Variants in CAP2 observed in about 807,000 individuals in gnomAD.
CAP2 encodes adenylyl cyclase-associated protein 2.
CAP2 carries 24 observed loss-of-function variants against 57.7 expected under a neutral mutation model. The observed-to-expected ratio is 0.42, with a 90% CI of 0.30 to 0.58. The LOEUF is 0.58. CAP2 is among the 20% of genes least tolerant of loss of function. The pLI is 0.22. For synonymous variants in CAP2, 194 were observed against 207.2 expected, an observed-to-expected ratio of 0.94 and a Z score of 0.55; for missense variants, 501 against 590.3, an observed-to-expected ratio of 0.85 and a Z score of 1.57.
At chr6:17,434,416 A>T (rs1759820877) in intron 3 of CAP2, among the ~76,000 whole-genome samples, 1 of 151,778 alleles carries the variant, frequency 6.6e-6, no homozygotes, top group Admixed American at 6.6e-5. Context: ...TTTAGTAGAG[A>T]CGGGGTTTCA....
chr6:17,509,324 A>G lies in CAP2; in HGVS notation c.530+1598A>G, dbSNP rs1378855732. Among the ~76,000 whole-genome samples, 3 of 152,134 alleles carry G rather than the reference A, an allele frequency of 2.0e-5. No individual in the cohort carries two copies. The East Asian group carries it at 5.8e-4, about 29-fold the overall frequency. On this transcript the variant is annotated intron_variant, in intron 6 of 12. Coordinates refer to ENST00000229922, the MANE Select transcript of CAP2 (RefSeq NM_006366.3). ...CACACGAGATGTTAAGGATTACAAT[A>G]TAAAAAAATACCTATACATCCATCC...
At chr6:17,396,130 A>G (rs1271872746) in intron 1 of CAP2, among the ~76,000 whole-genome samples, 4 of 152,206 alleles carry the variant, frequency 2.6e-5, no homozygotes, top group Non-Finnish European at 5.9e-5. Context: ...TAGCATGGCT[A>G]TAATCAAAAA....
intron 1 of CAP2, among the ~76,000 whole-genome samples, chr6:17,396,051 A>G (rs763761469): frequency 6.6e-6 from 1 of 152,232 alleles, no homozygotes. Flanking sequence ...CCATGAAAAG[A>G]TACTCAACAT....
intron 4 of CAP2, among the ~76,000 whole-genome samples, chr6:17,502,930 G>A (rs1761864690): frequency 6.6e-6 from 1 of 152,210 alleles, no homozygotes; most frequent in African/African-American, 2.4e-5. Flanking sequence ...ATCAGGTGTT[G>A]TATTTGGACT....
chr6:17,489,261 A>G (rs1581562809), intron 4 of CAP2, among the ~76,000 whole-genome samples: 1 of 152,086 alleles, frequency 6.6e-6, no homozygotes, highest in African/African-American at 2.4e-5. Flanking sequence ...GTGAAACCCC[A>G]TCTCTACTAA....
intron 1 of CAP2, among the ~76,000 whole-genome samples, chr6:17,394,362 G>A (rs1023568815): frequency 6.6e-6 from 1 of 152,124 alleles, no homozygotes; most frequent in Non-Finnish European, 1.5e-5. Flanking sequence ...TGACTGCTTT[G>A]GGTAGAGGGG....
intron 3 of CAP2, among the ~76,000 whole-genome samples, chr6:17,457,860 ATT>A (rs1401692402): frequency 6.6e-6 from 1 of 152,250 alleles, no homozygotes; most frequent in Non-Finnish European, 1.5e-5. Flanking sequence ...CTACAAAAAT[ATT>A]GTTAATGCCA....
chr6:17,554,079 C>A (rs1016608755), intron 12 of CAP2, among the ~76,000 whole-genome samples: 1 of 152,172 alleles, frequency 6.6e-6, no homozygotes, highest in African/African-American at 2.4e-5. Context: ...CTCATTATAG[C>A]ATGGGCTTTG....
At chr6:17,518,159 G>A (rs921680077) in intron 7 of CAP2, among the ~76,000 whole-genome samples, 1 of 152,088 alleles carries the variant, frequency 6.6e-6, no homozygotes, top group African/African-American at 2.4e-5. Flanking sequence ...AAAATCTTTT[G>A]TCAAGCTTTA....
intron 4 of CAP2, 149 bp downstream of exon 4, chr6:17,463,222 G>T: frequency 1.7e-6 from 1 of 576,774 alleles, no homozygotes; most frequent in Non-Finnish European, 3.1e-6. Context: ...CTGGATCATG[G>T]TATAGAACAA....
At chr6:17,426,828 T>C in intron 3 of CAP2, 138 bp downstream of exon 3, 1 of 648,814 alleles carries the variant, frequency 1.5e-6, no homozygotes, top group Non-Finnish European at 2.8e-6. Context: ...GCTAAAACAT[T>C]CATTTACCCA....
At position 17,547,025 on chromosome 6, in the gene CAP2, T is replaced by C. The variant is rs574905783; in HGVS notation, c.1209+3882T>C. Among the ~76,000 whole-genome samples the C allele has an allele frequency of 1.3e-4, 20 of 152,252 alleles. No individual in the cohort carries two copies. In the South Asian group the frequency reaches 3.9e-3, roughly 30 times the overall value. On this transcript the variant is annotated intron_variant, in intron 11 of 12. Transcript: ENST00000229922. The stretch of plus-strand genomic sequence containing the variant: ...AATGTGCAAAAATCACAAGCATTCT[T>C]ATACACCAATAACAGACAAACAGAG...
chr6:17,541,231 G>T, intron 9 of CAP2, 83 bp downstream of exon 9: 3 of 1,113,758 alleles, frequency 2.7e-6, no homozygotes, highest in East Asian at 2.5e-5. Context: ...AAGATCTGAA[G>T]GATTTCTTTT....
At chr6:17,396,749 C>G (rs13208405) in intron 1 of CAP2, among the ~76,000 whole-genome samples, 37,971 of 151,982 alleles carry the variant, frequency 0.25, 4,942 homozygotes, top group South Asian at 0.35. Context: ...GATAGTCGCA[C>G]GTATCTGTGA....
intron 7 of CAP2, among the ~76,000 whole-genome samples, chr6:17,538,822 C>T (rs1762833526): frequency 6.6e-6 from 1 of 152,198 alleles, no homozygotes; most frequent in African/African-American, 2.4e-5. Context: ...AACATCCAAT[C>T]ACCACTGAAT....
At chr6:17,464,754 A>G (rs751196352) in intron 4 of CAP2, among the ~76,000 whole-genome samples, 3 of 152,228 alleles carry the variant, frequency 2.0e-5, no homozygotes, top group Admixed American at 6.5e-5. Context: ...GTGTTCCACC[A>G]TGGATGCATT....
At chr6:17,399,354 C>T (rs1399065784) in intron 1 of CAP2, among the ~76,000 whole-genome samples, 3 of 152,122 alleles carry the variant, frequency 2.0e-5, no homozygotes, top group South Asian at 2.1e-4. Flanking sequence ...TGAGCCACCA[C>T]GCCCGGCCTA....
intron 3 of CAP2, among the ~76,000 whole-genome samples, chr6:17,427,045 T>G (rs1759609727): frequency 6.6e-6 from 1 of 152,154 alleles, no homozygotes; most frequent in Non-Finnish European, 1.5e-5. Context: ...AGCAGAGTCA[T>G]GATTTAGAGT....
intron 3 of CAP2, among the ~76,000 whole-genome samples, chr6:17,450,638 C>A (rs1050151508): frequency 2.0e-5 from 3 of 152,156 alleles, no homozygotes; most frequent in Admixed American, 6.5e-5. Flanking sequence ...CATTTATTAT[C>A]AGTGCCAGAA....
Sources: allele counts gnomAD v4.1 joint callset (sites outside exome capture counted in the v4.1 genomes callset), GRCh38; gene constraint gnomAD v4.1.1; transcripts MANE v1.5; gene names NCBI Gene and HGNC (gene_info 2026-07-23, HGNC 2026-07-21).